USH2A: variants seen among roughly 807,000 people sequenced by gnomAD.
The protein encoded by USH2A is Usher syndrome 2A (autosomal recessive, mild).
Under a neutral mutation model 538.9 loss-of-function variants are expected in USH2A, and 443 were observed. That is an observed-to-expected ratio of 0.82 (90% CI 0.76 to 0.89). USH2A has a LOEUF of 0.89. Among genes scored for constraint, USH2A ranks in the 40% least tolerant of loss-of-function variants. The probability of loss-of-function intolerance (pLI) is 0.00; values close to 1 mark genes in which losing one functional copy is unlikely to be tolerated. For missense variants in USH2A, 6,633 were observed against 6,324.8 expected (o/e 1.05, Z -1.65); for synonymous variants, 2,413 against 2,273.5 (o/e 1.06, Z -1.75).
intron 44 of USH2A, among the ~76,000 whole-genome samples, chr1:215,859,482 C>A (rs1009702156): frequency 6.6e-6 from 1 of 151,340 alleles, no homozygotes; most frequent in African/African-American, 2.4e-5. Flanking sequence ...TGCAGTGAGC[C>A]GAGATCACAC....
chr1:215,915,841 G>A (rs571851972), intron 38 of USH2A, among the ~76,000 whole-genome samples: 25 of 151,888 alleles, frequency 1.6e-4, no homozygotes, highest in African/African-American at 6.0e-4. Context: ...TATACACCAT[G>A]GAATACTATG....
chr1:215,910,450 A>G (rs1665752833), intron 38 of USH2A, among the ~76,000 whole-genome samples: 1 of 151,982 alleles, frequency 6.6e-6, no homozygotes, highest in Non-Finnish European at 1.5e-5. Context: ...TTCATCAACG[A>G]AAGAAAGATT....
At chr1:215,654,577 GGACT>G (rs1657183523) in intron 64 of USH2A, among the ~76,000 whole-genome samples, 1 of 152,124 alleles carries the variant, frequency 6.6e-6, no homozygotes, top group African/African-American at 2.4e-5. Flanking sequence ...TGAAAAGTTA[GGACT>G]GACTGACTTG....
chr1:215,766,531 C>A, intron 56 of USH2A, 150 bp downstream of exon 56: 2 of 752,260 alleles, frequency 2.7e-6, no homozygotes, highest in Non-Finnish European at 4.6e-6. Context: ...ATGAATCAAG[C>A]CTGAAGAATG....
intron 4 of USH2A, among the ~76,000 whole-genome samples, chr1:216,345,020 G>C (rs1169613468): frequency 6.6e-6 from 1 of 151,886 alleles, no homozygotes; most frequent in African/African-American, 2.4e-5. Flanking sequence ...ATGTTTGAGA[G>C]CTAATGGGAC....
At chr1:216,000,007 T>C (rs1668228707) in intron 33 of USH2A, among the ~76,000 whole-genome samples, 1 of 152,224 alleles carries the variant, frequency 6.6e-6, no homozygotes, top group African/African-American at 2.4e-5. Context: ...CATGCCTATA[T>C]GTGAAACTTC....
At chr1:215,837,876 A>C (rs1663575018) in intron 47 of USH2A, 115 bp downstream of exon 47, 2 of 857,284 alleles carry the variant, frequency 2.3e-6, no homozygotes, top group Admixed American at 3.7e-5. Flanking sequence ...ATTTACACAC[A>C]TACTTATAAT....
intron 60 of USH2A, among the ~76,000 whole-genome samples, chr1:215,730,311 A>G (rs1402105459): frequency 1.3e-5 from 2 of 152,284 alleles, no homozygotes; most frequent in East Asian, 1.9e-4. Flanking sequence ...TAAGTGTTCA[A>G]TCATGTTTTT....
At chr1:215,800,518 A>G (rs1395769534) in intron 49 of USH2A, among the ~76,000 whole-genome samples, 1 of 152,212 alleles carries the variant, frequency 6.6e-6, no homozygotes, top group Non-Finnish European at 1.5e-5. Context: ...GCACAAATCC[A>G]CTGAAGAATT....
At chr1:215,640,905 T>G (rs1386058753) in intron 67 of USH2A, among the ~76,000 whole-genome samples, 171 bp from the exon 68 acceptor site, 1 of 149,946 alleles carries the variant, frequency 6.7e-6, no homozygotes, top group Non-Finnish European at 1.5e-5. Context: ...TCCTCAGTAT[T>G]ACGAAACAAC....
chr1:215,814,000 T>C, intron 48 of USH2A, 96 bp from the exon 49 acceptor site: 1 of 1,368,164 alleles, frequency 7.3e-7, no homozygotes, highest in South Asian at 1.2e-5. Flanking sequence ...TTGTAAGGCA[T>C]AGAAGATCTG....
intron 3 of USH2A, among the ~76,000 whole-genome samples, chr1:216,367,621 G>C (rs890433092): frequency 6.6e-6 from 1 of 152,042 alleles, no homozygotes; most frequent in Non-Finnish European, 1.5e-5. Context: ...TCACTTTATA[G>C]GTACTTAAAT....
At chr1:216,168,429 A>C (rs1299364734) in intron 21 of USH2A, among the ~76,000 whole-genome samples, 1 of 152,170 alleles carries the variant, frequency 6.6e-6, no homozygotes, top group Non-Finnish European at 1.5e-5. Flanking sequence ...TGACAGTGAA[A>C]GAGACCTGGC....
chr1:216,169,408 T>G (rs947608941), intron 21 of USH2A, among the ~76,000 whole-genome samples: 8 of 152,260 alleles, frequency 5.3e-5, no homozygotes, highest in Admixed American at 2.6e-4. Context: ...TTAAAACACA[T>G]GCATTCTTAA....
intron 70 of USH2A, among the ~76,000 whole-genome samples, chr1:215,633,842 T>C (rs553807815): frequency 6.6e-6 from 1 of 152,268 alleles, no homozygotes; most frequent in African/African-American, 2.4e-5. Context: ...ATGACTGTCC[T>C]GTAATACCAA....
At chr1:215,813,942 T>TAGTTA (rs778641934) in intron 48 of USH2A, 38 bp from the exon 49 acceptor site, 4 of 1,605,138 alleles carry the variant, frequency 2.5e-6, no homozygotes, top group Non-Finnish European at 3.4e-6. Flanking sequence ...AATATCAGTT[T>TAGTTA]AGTTAAGAGT....
At chr1:215,853,359 G>C (rs1372349973) in intron 44 of USH2A, among the ~76,000 whole-genome samples, 1 of 152,146 alleles carries the variant, frequency 6.6e-6, no homozygotes, top group Non-Finnish European at 1.5e-5. Context: ...TGGGAACCCT[G>C]GGTCTGGCCC....
intron 32 of USH2A, among the ~76,000 whole-genome samples, chr1:216,009,244 C>T (rs1490418469): frequency 6.6e-6 from 1 of 152,008 alleles, no homozygotes; most frequent in Non-Finnish European, 1.5e-5. Context: ...TCTGGGCTTG[C>T]TTCCTTCACT....
intron 21 of USH2A, among the ~76,000 whole-genome samples, chr1:216,169,164 T>C (rs2034227332): frequency 2.0e-5 from 3 of 152,090 alleles, no homozygotes; most frequent in Admixed American, 2.0e-4. Context: ...GTGGGATGAG[T>C]ATATAGGAAC....
Sources: gnomAD v4.1 joint callset for allele counts (sites outside exome capture counted in the v4.1 genomes callset) on GRCh38, gnomAD v4.1.1 for gene constraint, MANE v1.5 for transcripts, NCBI Gene and HGNC (gene_info 2026-07-23, HGNC 2026-07-21) for gene names.